STMN4: variants seen among roughly 807,000 people sequenced by gnomAD.
The protein encoded by STMN4 is stathmin 4.
In STMN4, 12 loss-of-function variants were observed where a neutral mutation model predicts 29.1. The ratio of observed to expected loss-of-function variants is 0.41; its 90% CI spans 0.26 to 0.67. The LOEUF (loss-of-function observed/expected upper bound fraction) is 0.67, where lower values mean the gene tolerates loss of function less well. Among genes scored for constraint, STMN4 ranks in the 30% least tolerant of loss-of-function variants. STMN4 has a pLI of 0.30. For missense variants in STMN4, 181 were observed against 262.8 expected (o/e 0.69, Z 2.15); for synonymous variants, 114 against 105.3 (o/e 1.08, Z -0.51).
At chr8:27,254,885 G>A (rs974645993) in intron 1 of STMN4, among the ~76,000 whole-genome samples, 6 of 148,756 alleles carry the variant, frequency 4.0e-5, no homozygotes, top group African/African-American at 1.5e-4. Context: ...AGGGGATGGA[G>A]TGGGAGCATT....
At chr8:27,245,592 G>A (rs988694221) in intron 1 of STMN4, among the ~76,000 whole-genome samples, 1 of 152,214 alleles carries the variant, frequency 6.6e-6, no homozygotes, top group African/African-American at 2.4e-5. Context: ...GCCTGCATGC[G>A]ACTTCCCTGG....
chr8:27,238,391 G>A (rs530432623), intron 6 of STMN4, among the ~76,000 whole-genome samples: 5 of 152,162 alleles, frequency 3.3e-5, no homozygotes, highest in African/African-American at 4.8e-5. Flanking sequence ...AGCAGGGGCC[G>A]AGGTCCCAAA....
At chr8:27,244,600 C>T (rs1348382905) in intron 1 of STMN4, among the ~76,000 whole-genome samples, 4 of 152,118 alleles carry the variant, frequency 2.6e-5, no homozygotes, top group Non-Finnish European at 5.9e-5. Flanking sequence ...CTGAGCAGTG[C>T]CTTGAAGGAT....
At chr8:27,246,704 G>A (rs1339821660) in intron 1 of STMN4, among the ~76,000 whole-genome samples, 1 of 152,154 alleles carries the variant, frequency 6.6e-6, no homozygotes, top group Non-Finnish European at 1.5e-5. Flanking sequence ...ATGGGAGTAA[G>A]GCAGCCACAA....
At chr8:27,247,308 G>T (rs1801654418) in intron 1 of STMN4, among the ~76,000 whole-genome samples, 1 of 151,218 alleles carries the variant, frequency 6.6e-6, no homozygotes, top group African/African-American at 2.4e-5. Flanking sequence ...GGGTCCATAG[G>T]GCCCTTATAA....
At chr8:27,255,073 AC>A (rs201246346) in intron 1 of STMN4, among the ~76,000 whole-genome samples, 16 of 152,132 alleles carry the variant, frequency 1.1e-4, no homozygotes, top group Non-Finnish European at 1.8e-4. Context: ...GAAAAAAAAA[AC>A]AATTTTTAAA....
chr8:27,247,502 C>A (rs1378490564), intron 1 of STMN4, among the ~76,000 whole-genome samples: 2 of 152,222 alleles, frequency 1.3e-5, no homozygotes, highest in African/African-American at 4.8e-5. Context: ...TCCCTAATAA[C>A]CTGTGGCATC....
At chr8:27,249,148 T>C (rs1801712628) in intron 1 of STMN4, among the ~76,000 whole-genome samples, 1 of 152,058 alleles carries the variant, frequency 6.6e-6, no homozygotes, top group Non-Finnish European at 1.5e-5. Context: ...TAAGTTTTGA[T>C]TGGAGGCAGA....
chr8:27,255,032 C>T (rs548087907), intron 1 of STMN4, among the ~76,000 whole-genome samples: 1 of 151,824 alleles, frequency 6.6e-6, no homozygotes, highest in Non-Finnish European at 1.5e-5. Context: ...ATTCATTTGT[C>T]TTCCTAGAGG....
At chr8:27,247,867 G>A (rs7831609) in intron 1 of STMN4, among the ~76,000 whole-genome samples, 76,199 of 152,078 alleles carry the variant, frequency 0.5, 20,223 homozygotes, top group Non-Finnish European at 0.61. Context: ...ACCCAGTGCA[G>A]AAGCAAACCT....
intron 3 of STMN4, chr8:27,242,116 A>C (rs908568784): frequency 8.8e-6 from 5 of 565,172 alleles, no homozygotes; most frequent in African/African-American, 3.8e-5. Flanking sequence ...TCACCTTTGC[A>C]TACCCCCCAG....
Position 27,241,683 on chromosome 8 carries a change from C to G in STMN4, c.184G>C (p.Ala62Pro), listed in dbSNP as rs1183971380. The change falls in exon 4 of 7, where the codon GCT (alanine) becomes CCT (proline). Residue 62 changes from alanine (A) to proline (P), a missense_variant. Physicochemically the swap from Ala to Pro is conservative, Grantham distance 27 (BLOSUM62 -1). Coordinates refer to ENST00000350889, the MANE Select transcript of STMN4 (RefSeq NM_030795.4). ...TCCGCTGCCTCCCTCCTACCCTGAG[C>G]TCTTCTTTCTCTCCAGTCAGCACTG... ...KDSADWRERR[A>P]QADTVDLNWC... 6.2e-7 allele frequency: 1 copy of G among 1,614,162 alleles called. No homozygotes were observed. Among genetic ancestry groups the G allele is most frequent in the Non-Finnish European group, 8.5e-7 (1 of 1,180,010 alleles).
Position 27,236,693 on chromosome 8 carries a change from T to A in STMN4, c.*153A>T. Reference sequence around the variant, plus strand: ...TGGCTTCACTGGTCAATTCTTAACATGTACAAACACCAAAAGCAGAGGAAA... The same window carrying A: ...TGGCTTCACTGGTCAATTCTTAACAAGTACAAACACCAAAAGCAGAGGAAA... On this transcript the variant is annotated 3_prime_UTR_variant, in exon 7 of 7. Coordinates refer to ENST00000350889, the MANE Select transcript of STMN4 (RefSeq NM_030795.4). 1 of 593,666 alleles carries A rather than the reference T, an allele frequency of 1.7e-6. No homozygotes were observed. The highest frequency in any genetic ancestry group is 3.7e-5 in the Admixed American group (1 of 26,672). 36.8% of individuals were successfully genotyped at this position (593,666 alleles called of 1,614,324 possible). A position where few individuals can be genotyped will look rare whatever the true frequency, so the allele number is the denominator to read the frequency against.
intron 1 of STMN4, among the ~76,000 whole-genome samples, chr8:27,254,730 G>T (rs1342823067): frequency 1.4e-5 from 2 of 143,742 alleles, no homozygotes; most frequent in Non-Finnish European, 3.0e-5. Flanking sequence ...GGGATGGAGT[G>T]GGAGCACTCA....
At chr8:27,243,939 C>G in intron 1 of STMN4, 138 bp from the exon 2 acceptor site, 1 of 732,458 alleles carries the variant, frequency 1.4e-6, no homozygotes, top group South Asian at 1.8e-5. Flanking sequence ...CCCACCAACT[C>G]TCCCTGGGGG....
chr8:27,252,862 T>A (rs566930984), intron 1 of STMN4, among the ~76,000 whole-genome samples: 2 of 152,338 alleles, frequency 1.3e-5, no homozygotes, highest in African/African-American at 4.8e-5. Flanking sequence ...ATACCCCATA[T>A]CAGCCTCCCT....
rs548400192 is a variant in STMN4 at position 27,236,520 on chromosome 8, T to C, written c.*326A>G. The C allele has an allele frequency of 1.0e-5, 2 of 192,020 alleles. No individual in the cohort carries two copies. Among genetic ancestry groups the C allele is most frequent in the African/African-American group, 2.3e-5 (1 of 42,918 alleles). 11.9% of individuals were successfully genotyped at this position (192,020 alleles called of 1,614,324 possible). On this transcript the variant is annotated 3_prime_UTR_variant, in exon 7 of 7. Coordinates refer to ENST00000350889, the MANE Select transcript of STMN4 (RefSeq NM_030795.4). ...TTTCATCTCTCCTCAACATGGTGCCTGGAGGCTCAATGTCCAGGTAGAGAT... is the reference window on the plus strand; with the variant it reads ...TTTCATCTCTCCTCAACATGGTGCCCGGAGGCTCAATGTCCAGGTAGAGAT...
rs920197858 is a variant in STMN4 at position 27,235,956 on chromosome 8, C to T, written c.*890G>A. On this transcript the variant is annotated 3_prime_UTR_variant, in exon 7 of 7. Coordinates refer to ENST00000350889, the MANE Select transcript of STMN4 (RefSeq NM_030795.4). Reference sequence around the variant, plus strand: ...AGGTATTTTGTTACAGCAGTCTGAACGGTTGTGACTAAGACAAATTCCTTC... The same window carrying T: ...AGGTATTTTGTTACAGCAGTCTGAATGGTTGTGACTAAGACAAATTCCTTC... 8 of 152,144 alleles carry T rather than the reference C, an allele frequency of 5.3e-5. No homozygotes were observed. Among genetic ancestry groups the T allele is most frequent in the African/African-American group, 1.4e-4 (6 of 41,394 alleles). 9.4% of individuals were successfully genotyped at this position (152,144 alleles called of 1,614,324 possible). A position where few individuals can be genotyped will look rare whatever the true frequency, so the allele number is the denominator to read the frequency against.
Position 27,240,135 on chromosome 8 carries a change from G to C in STMN4, c.427C>G (p.Leu143Val). ...KYQEAELLKH[L>V]AEKREHEREV... Reference sequence around the variant, plus strand: ...CTCTCATGTTCCCGTTTCTCTGCTAGGTGTTTCAGGAGCTCCGCTTCCTGG... The same window carrying C: ...CTCTCATGTTCCCGTTTCTCTGCTACGTGTTTCAGGAGCTCCGCTTCCTGG... The change falls in exon 6 of 7, where the codon CTA becomes GTA. Residue 143 changes from leucine to valine, a missense_variant. Transcript: ENST00000350889. 6.2e-7 allele frequency: 1 copy of C among 1,613,984 alleles called. No homozygotes were observed. The highest frequency in any genetic ancestry group is 8.5e-7 in the Non-Finnish European group (1 of 1,179,972).
Sources: gnomAD v4.1 joint callset for allele counts (sites outside exome capture counted in the v4.1 genomes callset) on GRCh38, gnomAD v4.1.1 for gene constraint, MANE v1.5 for transcripts, NCBI Gene and HGNC (gene_info 2026-07-23, HGNC 2026-07-21) for gene names.